ASPM: variants seen among roughly 807,000 people sequenced by gnomAD.
The protein encoded by ASPM is assembly factor for spindle microtubules.
In ASPM, 256 loss-of-function variants were observed where a neutral mutation model predicts 366.4. The ratio of observed to expected loss-of-function variants is 0.70; its 90% CI spans 0.63 to 0.77. ASPM has a LOEUF of 0.77. Ranked by LOEUF, ASPM falls within the 30% of genes least tolerant of loss-of-function variation. The pLI, the probability that ASPM is intolerant of heterozygous loss-of-function variation, is 0.00. For missense variants in ASPM, 4,146 were observed against 4,090.4 expected (o/e 1.01, Z -0.37); for synonymous variants, 1,414 against 1,342.9 (o/e 1.05, Z -1.16).
chr1:197,096,946 T>C (rs1242127580), intron 18 of ASPM, among the ~76,000 whole-genome samples: 2 of 151,750 alleles, frequency 1.3e-5, no homozygotes, highest in Non-Finnish European at 2.9e-5. Context: ...TGTTAGCATA[T>C]AGCTGTTAAG....
intron 26 of ASPM, among the ~76,000 whole-genome samples, chr1:197,087,737 C>T (rs1362708545): frequency 1.3e-5 from 2 of 152,132 alleles, no homozygotes; most frequent in African/African-American, 2.4e-5. Context: ...ACATGCTCTC[C>T]CAAATTCATT....
At position 197,089,986 on chromosome 1, in the gene ASPM, T is replaced by C. The variant is rs147256280; in HGVS notation, c.9928A>G (p.Ile3310Val). ...FVLIRSCNRS[I>V]PCMEVIRYAV... ...TATCTGATGACTTCCATACAAGGAA[T>C]ACTGCGATTACAACTTCGGATCAAA... is the stretch of plus-strand genomic sequence containing the variant. The change falls in exon 25 of 28, where the codon ATT becomes GTT. Residue 3310 changes from isoleucine to valine, a missense_variant. By Grantham distance (29) the Ile-to-Val change is conservative. Coordinates refer to ENST00000367409, the MANE Select transcript of ASPM (RefSeq NM_018136.5). 7.4e-6 allele frequency: 12 copies of C among 1,613,288 alleles called. No individual in the cohort carries two copies. Among genetic ancestry groups the C allele is most frequent in the Non-Finnish European group, 9.3e-6 (11 of 1,179,606 alleles).
In ASPM at chr1:197,091,937, G is replaced by A. The variant is rs371315803; in HGVS notation, c.9414C>T (p.Asn3138=). Reference sequence around the variant, plus strand: ...TACAGATGACTGAATTAACCTGCTTGTTAGCATTCTTCACAGCCAGGTAAA... The same window carrying A: ...TACAGATGACTGAATTAACCTGCTTATTAGCATTCTTCACAGCCAGGTAAA... ...YKLYLAVKNA[N]KQVNSVICIQ... is the part of the protein sequence containing the mutation. Residue 3138 remains asparagine, a synonymous_variant, in exon 22 of 28, where the codon AAC becomes AAT. Coordinates refer to ENST00000367409, the MANE Select transcript of ASPM (RefSeq NM_018136.5). The A allele has an allele frequency of 2.5e-6, 4 of 1,610,802 alleles. No homozygotes were observed. Among genetic ancestry groups the A allele is most frequent in the Non-Finnish European group, 3.4e-6 (4 of 1,178,700 alleles).
Position 197,142,838 on chromosome 1 carries a change from ATTTAGGAT to A in ASPM, c.1406_1413del (p.Asn469IlefsTer9), listed in dbSNP as rs199422142. 1.9e-6 allele frequency: 3 copies of A among 1,613,442 alleles called. No individual in the cohort carries two copies. Among genetic ancestry groups the A allele is most frequent in the Non-Finnish European group, 2.5e-6 (3 of 1,179,466 alleles). ...CTAGAAATATCCTGAACTGCAGAAA[ATTTAGGAT>A]TATTTTGTTTTATAAAACTGTAGTA... On this transcript the variant is annotated frameshift_variant, in exon 3 of 28. Transcript: ENST00000367409. LOFTEE classifies it high-confidence loss of function.
In ASPM at chr1:197,101,134, A is replaced by G. The variant is rs1657157578; in HGVS notation, c.8117T>C (p.Val2706Ala). The G allele has an allele frequency of 4.3e-6, 7 of 1,612,302 alleles. No homozygotes were observed. Among genetic ancestry groups the G allele is most frequent in the Non-Finnish European group, 5.9e-6 (7 of 1,179,046 alleles). The change falls in exon 18 of 28, where the codon GTT becomes GCT. Residue 2706 changes from valine (V) to alanine (A), a missense_variant. Val to Ala is a moderately conservative substitution (Grantham distance 64). Transcript: ENST00000367409. ...TGCAGTTTTCTTTGTTTCATAATCA[A>G]CTTTGGCCCTGTGCATTCGATAGAA... is the stretch of plus-strand genomic sequence containing the variant. ...QSFYRMHRAK[V>A]DYETKKTAIV... is the part of the protein sequence containing the mutation.
At chr1:197,095,012 T>C (rs1400531462) in intron 19 of ASPM, among the ~76,000 whole-genome samples, 1 of 151,762 alleles carries the variant, frequency 6.6e-6, no homozygotes, top group African/African-American at 2.4e-5. Context: ...GATATTTTGA[T>C]TCAAGCACAC....
intron 16 of ASPM, among the ~76,000 whole-genome samples, chr1:197,120,279 C>T (rs1657866938): frequency 6.6e-6 from 1 of 151,746 alleles, no homozygotes; most frequent in Non-Finnish European, 1.5e-5. Flanking sequence ...GCATATAATC[C>T]CAGCACTGTG....
At chr1:197,114,478 C>T (rs769401246) in intron 17 of ASPM, among the ~76,000 whole-genome samples, 2 of 152,254 alleles carry the variant, frequency 1.3e-5, no homozygotes, top group Middle Eastern at 3.4e-3. Context: ...AGCGTTTTAC[C>T]CAAAGTAGAG....
rs774326541 is a variant in ASPM at position 197,102,904 on chromosome 1, A to T, written c.6347T>A (p.Met2116Lys). 82 of 1,612,632 alleles carry T rather than the reference A, an allele frequency of 5.1e-5. 3 individuals are homozygous for T. The South Asian group carries it at 9.0e-4, about 18-fold the overall frequency. ...GIRVRRHIQH[M>K]HRAATFIKAM... ...TTTAATAAAAGTGGCTGCCCTGTGC[A>T]TGTGTTGAATATGTCTTCTAACTCT... is the stretch of plus-strand genomic sequence containing the variant. Residue 2116 changes from methionine (M) to lysine (K), a missense_variant, in exon 18 of 28, where the codon ATG becomes AAG. Physicochemically the swap from Met to Lys is moderately conservative, Grantham distance 95 (BLOSUM62 -1). Around this residue, in one of 3 missense-constraint regions of ASPM, gnomAD observed 3,624 missense variants for 3,591.7 expected, o/e 1.01. Coordinates refer to ENST00000367409, the MANE Select transcript of ASPM (RefSeq NM_018136.5).
rs144923756 is a variant in ASPM at position 197,099,145 on chromosome 1, T to C, written c.8820+1286A>G. Reference sequence around the variant, plus strand: ...GAACTATAACTCTTTCTCACCTGGCTTACTGCCTATTTTCATTTGGTCTAC... The same window carrying C: ...GAACTATAACTCTTTCTCACCTGGCCTACTGCCTATTTTCATTTGGTCTAC... On this transcript the variant is annotated intron_variant, in intron 18 of 27. Transcript: ENST00000367409. 6.6e-3 allele frequency among the ~76,000 whole-genome samples: 1,004 copies of C among 151,724 alleles called. 9 individuals carry two copies. The highest frequency in any genetic ancestry group is 0.023 in the African/African-American group (962 of 41,466).
rs1009847855 is a variant in ASPM at position 197,142,792 on chromosome 1, G to A, written c.1460C>T (p.Pro487Leu). 6 of 1,613,478 alleles carry A rather than the reference G, an allele frequency of 3.7e-6. No individual in the cohort carries two copies. In the African/African-American group the frequency reaches 6.7e-5, roughly 18 times the overall value. Reference protein sequence around the residue: ...DISSHSHNKQPKRRPILSATV... With the variant: ...DISSHSHNKQLKRRPILSATV... ...GGCAGAAAGTATTGGACGTCTCTTA[G>A]GTTGTTTATTGTGGCTATGACTAGA... Residue 487 changes from proline to leucine, a missense_variant, in exon 3 of 28, where the codon CCT becomes CTT. Pro to Leu is a moderately conservative substitution (Grantham distance 98). Transcript: ENST00000367409.
intron 8 of ASPM, 62 bp from the exon 9 acceptor site, chr1:197,129,379 A>C: frequency 6.6e-7 from 1 of 1,526,458 alleles, no homozygotes. Context: ...TCATCTTAAA[A>C]TATGATAATA....
In ASPM at chr1:197,138,871, C is replaced by T. The variant is rs185331903; in HGVS notation, c.2026+896G>A. The T allele has an allele frequency of 7.4e-6, 7 of 944,512 alleles. No homozygotes were observed. The East Asian group carries it at 1.4e-4, about 19-fold the overall frequency. 58.5% of individuals were successfully genotyped at this position (944,512 alleles called of 1,614,324 possible). Reference sequence around the variant, plus strand: ...CCTTCCAGTTGTTTTTTCTCTTCTTCGAGCTTCCTTATCTCCTCCTGTTGA... The same window carrying T: ...CCTTCCAGTTGTTTTTTCTCTTCTTTGAGCTTCCTTATCTCCTCCTGTTGA... On this transcript the variant is annotated intron_variant, in intron 4 of 27. Transcript: ENST00000367409.
rs929175993 is a variant in ASPM, at chr1:197,141,408, C to T, written c.1921+923G>A. ...TTTACTATCTGGACCAGTAGAGGAA[C>T]AGTTTGCTTACCCTTGTTTTAAAGT... On this transcript the variant is annotated intron_variant, in intron 3 of 27. Transcript: ENST00000367409. 2.0e-5 allele frequency among the ~76,000 whole-genome samples: 3 copies of T among 152,118 alleles called. No homozygotes were observed. The East Asian group carries it at 5.8e-4, about 29-fold the overall frequency.
At position 197,103,256 on chromosome 1, in the gene ASPM, G is replaced by A. The variant is rs763957178; in HGVS notation, c.5995C>T (p.Leu1999=). 8 of 1,612,708 alleles carry A rather than the reference G, an allele frequency of 5.0e-6. No individual in the cohort carries two copies. In the East Asian group the frequency reaches 1.8e-4, roughly 36 times the overall value. ...KWKIMKKAAL[L]IQKYYRAYSI... ...TAAGCCCTATAATACTTTTGAATCA[G>A]AAGAGCAGCTTTTTTCATGATTTTC... The change falls in exon 18 of 28, where the codon CTG becomes TTG. Residue 1999 remains leucine, a synonymous_variant. Transcript: ENST00000367409.
At position 197,105,081 on chromosome 1, in the gene ASPM, A is replaced by G. The variant is rs763801371; in HGVS notation, c.4170T>C (p.Tyr1390=). ...RIRMIIAVTS[Y]KRYLWATVTI... ...TAACTGTAGCCCAAAGATATCGTTT[A>G]TAAGATGTAACAGCAATTATCATTC... The change falls in exon 18 of 28, where the codon TAT becomes TAC. Residue 1390 remains tyrosine, a synonymous_variant. Transcript: ENST00000367409. The G allele has an allele frequency of 3.7e-6, 6 of 1,610,266 alleles. No individual in the cohort carries two copies. The highest frequency in any genetic ancestry group is 2.7e-5 in the African/African-American group (2 of 74,784).
Position 197,101,076 on chromosome 1 carries a change from A to G in ASPM, c.8175T>C (p.Tyr2725=), listed in dbSNP as rs939080421. The G allele has an allele frequency of 1.2e-6, 2 of 1,611,810 alleles. No individual in the cohort carries two copies. Among genetic ancestry groups the G allele is most frequent in the Non-Finnish European group, 8.5e-7 (1 of 1,178,822 alleles). ...TTTTTCTTTCTGTTTTTACTCTAAC[A>G]TACAACCTATAATAATTCTGTATAA... ...IVVIQNYYRL[Y]VRVKTERKNF... The change falls in exon 18 of 28, where the codon TAT becomes TAC. Residue 2725 remains tyrosine (Y), a synonymous_variant. Transcript: ENST00000367409.
rs753084879 is a variant in ASPM, at chr1:197,135,046, C to A, written c.2173+50G>T. ...AAGAATGACAAACGATGTTAAAAAT[C>A]TTTATCTGTTAAAAGTATTATTAAA... On this transcript the variant is annotated intron_variant, in intron 5 of 27. Coordinates refer to ENST00000367409, the MANE Select transcript of ASPM (RefSeq NM_018136.5). 22 of 1,320,378 alleles carry A rather than the reference C, an allele frequency of 1.7e-5. No homozygotes were observed. In the South Asian group the frequency reaches 2.6e-4, roughly 15 times the overall value. The allele number at this position is 1,320,378 out of a possible 1,614,324, so 81.8% of individuals were successfully genotyped here.
intron 17 of ASPM, among the ~76,000 whole-genome samples, chr1:197,116,573 C>T (rs527348508): frequency 1.3e-4 from 20 of 152,048 alleles, no homozygotes; most frequent in Admixed American, 3.3e-4. Context: ...CGAGGTATGC[C>T]TATATGCCTT....
Sources: allele counts gnomAD v4.1 joint callset (sites outside exome capture counted in the v4.1 genomes callset), GRCh38; gene constraint gnomAD v4.1.1; regional missense constraint gnomAD v4.1.1; transcripts MANE v1.5; gene names NCBI Gene and HGNC (gene_info 2026-07-23, HGNC 2026-07-21).